Variants in RTL4 observed in about 807,000 individuals in gnomAD.
The protein encoded by RTL4 is retrotransposon Gag-like protein 4.
RTL4 carries 4 observed loss-of-function variants against 5.3 expected under a neutral mutation model. That is an observed-to-expected ratio of 0.75 (90% CI 0.37 to 1.72). The LOEUF (loss-of-function observed/expected upper bound fraction) is 1.72, where lower values mean the gene tolerates loss of function less well. Ranked by LOEUF, RTL4 falls within the 40% of genes most tolerant of loss-of-function variation. The pLI is 0.04. For missense variants in RTL4, 260 were observed against 227.1 expected, an observed-to-expected ratio of 1.14 and a Z score of -0.93; for synonymous variants, 98 against 87.3, an observed-to-expected ratio of 1.12 and a Z score of -0.68.
At chrX:112,275,221 G>C in the RTL4 span, among the ~76,000 whole-genome samples, 4 of 106,966 alleles carry the variant, frequency 3.7e-5, no homozygotes, top group African/African-American at 1.4e-4. Context: ...AGCTAGCTGA[G>C]AGCGGGGTAA....
At chrX:112,089,676 G>A in the RTL4 span, among the ~76,000 whole-genome samples, 2 of 111,740 alleles carry the variant, frequency 1.8e-5, no homozygotes, top group African/African-American at 6.5e-5. Context: ...AATGGGAAGT[G>A]TGAGTCCTCC....
the RTL4 span, among the ~76,000 whole-genome samples, chrX:112,356,543 A>C: frequency 9.2e-6 from 1 of 109,070 alleles, no homozygotes; most frequent in East Asian, 2.9e-4. Context: ...GAAAATAGGC[A>C]ACTATATTAT....
At chrX:112,284,539 G>T in the RTL4 span, among the ~76,000 whole-genome samples, 2 of 111,259 alleles carry the variant, frequency 1.8e-5, no homozygotes, top group African/African-American at 6.5e-5. Flanking sequence ...TGCTAAATTT[G>T]GGGGCCAGCA....
chrX:112,403,949 C>T, the RTL4 span, among the ~76,000 whole-genome samples: 1 of 112,218 alleles, frequency 8.9e-6, no homozygotes, highest in East Asian at 2.8e-4. Flanking sequence ...AGATTTTTAA[C>T]TTTTCTGAAT....
chrX:112,272,527 A>G, the RTL4 span, among the ~76,000 whole-genome samples: 3 of 111,408 alleles, frequency 2.7e-5, no homozygotes, highest in African/African-American at 9.8e-5. Flanking sequence ...TCATGTTGGG[A>G]GGTAGAATGG....
At chrX:112,378,538 T>A in the RTL4 span, among the ~76,000 whole-genome samples, 1 of 111,880 alleles carries the variant, frequency 8.9e-6, no homozygotes, top group African/African-American at 3.3e-5. Flanking sequence ...CCCAGGAGAA[T>A]GTGGATAGAC....
chrX:112,170,616 C>T, the RTL4 span, among the ~76,000 whole-genome samples: 1 of 111,925 alleles, frequency 8.9e-6, no homozygotes, highest in Non-Finnish European at 1.9e-5. Context: ...TGAGACTTTG[C>T]TGAAGTTGCT....
chrX:112,176,650 C>T, the RTL4 span, among the ~76,000 whole-genome samples: 2 of 111,853 alleles, frequency 1.8e-5, no homozygotes, highest in African/African-American at 6.5e-5. Flanking sequence ...TTGGGATATC[C>T]ATCACCTCAA....
the RTL4 span, among the ~76,000 whole-genome samples, chrX:112,263,258 T>C: frequency 9.3e-6 from 1 of 107,795 alleles, no homozygotes; most frequent in Non-Finnish European, 1.9e-5. Context: ...AGAAGCATTG[T>C]GTTCTGAGGC....
chrX:112,223,097 T>G, the RTL4 span, among the ~76,000 whole-genome samples: 1 of 112,163 alleles, frequency 8.9e-6, no homozygotes, highest in African/African-American at 3.2e-5. Flanking sequence ...GGCCAGGAGA[T>G]CATATTATCA....
At chrX:112,223,705 G>T in the RTL4 span, among the ~76,000 whole-genome samples, 1 of 111,728 alleles carries the variant, frequency 9.0e-6, no homozygotes, top group Non-Finnish European at 1.9e-5. Context: ...CTGTAGGAGG[G>T]ACTCCACTGG....
chrX:112,317,531 A>T, the RTL4 span, among the ~76,000 whole-genome samples: 6 of 111,205 alleles, frequency 5.4e-5, no homozygotes, highest in Non-Finnish European at 1.1e-4. Flanking sequence ...GTGTTTGTAG[A>T]CCATGCTGCT....
the RTL4 span, among the ~76,000 whole-genome samples, chrX:112,177,614 T>C: frequency 8.1e-5 from 9 of 110,506 alleles, no homozygotes; most frequent in Middle Eastern, 4.7e-3. Flanking sequence ...TTGCAAATAT[T>C]TTCTGCCGTT....
the RTL4 span, among the ~76,000 whole-genome samples, chrX:112,300,769 A>G: frequency 8.9e-6 from 1 of 112,440 alleles, no homozygotes; most frequent in South Asian, 3.6e-4. Flanking sequence ...CTGCAGCCAC[A>G]TTCCCCTGCT....
chrX:112,417,841 T>G, the RTL4 span, among the ~76,000 whole-genome samples: 2 of 111,333 alleles, frequency 1.8e-5, no homozygotes, highest in African/African-American at 6.5e-5. Context: ...GATCAGTTCT[T>G]TAGGGAGTGA....
At chrX:112,435,983 G>A in the RTL4 span, among the ~76,000 whole-genome samples, 3 of 111,698 alleles carry the variant, frequency 2.7e-5, no homozygotes, top group Non-Finnish European at 5.6e-5. Flanking sequence ...CCGGGAGGCC[G>A]AGGCGGGCAG....
chrX:112,156,963 T>C, the RTL4 span, among the ~76,000 whole-genome samples: 2 of 110,736 alleles, frequency 1.8e-5, no homozygotes, highest in Non-Finnish European at 1.9e-5. Context: ...ATTGCTCCAA[T>C]TTAAATTGAG....
At chrX:112,425,061 A>G in the RTL4 span, among the ~76,000 whole-genome samples, 1 of 111,270 alleles carries the variant, frequency 9.0e-6, no homozygotes, top group Non-Finnish European at 1.9e-5. Flanking sequence ...TCACTGCCCT[A>G]AAATCCTCTG....
the RTL4 span, among the ~76,000 whole-genome samples, chrX:112,202,578 T>C: frequency 2.6e-4 from 27 of 104,959 alleles, 1 homozygote; most frequent in East Asian, 1.2e-3. Context: ...ATTATTATTA[T>C]GAGACAGAGC....
Sources: gnomAD v4.1 joint callset for allele counts (sites outside exome capture counted in the v4.1 genomes callset) on GRCh38, gnomAD v4.1.1 for gene constraint, MANE v1.5 for transcripts, NCBI Gene and HGNC (gene_info 2026-07-23, HGNC 2026-07-21) for gene names.